The following FAM83B variants were observed in gnomAD, a reference collection of about 807,000 sequenced individuals.
FAM83B encodes scaffolding CK1 anchoring protein B.
FAM83B carries 26 observed loss-of-function variants against 38.8 expected under a neutral mutation model. That is an observed-to-expected ratio of 0.67 (90% CI 0.49 to 0.93). The LOEUF is 0.93. FAM83B is among the 40% of genes least tolerant of loss of function. The pLI is 0.00. For synonymous variants in FAM83B, 419 were observed against 423.1 expected (o/e 0.99, Z 0.12); for missense variants, 1,237 against 1,197.3 (o/e 1.03, Z -0.49).
At chr6:54,935,718 A>T (rs542335160) in intron 4 of FAM83B, among the ~76,000 whole-genome samples, 4 of 152,250 alleles carry the variant, frequency 2.6e-5, no homozygotes, top group Admixed American at 1.3e-4. Flanking sequence ...TTGAAAAATG[A>T]GCAAATGAGA....
intron 2 of FAM83B, among the ~76,000 whole-genome samples, chr6:54,881,627 A>C: frequency 2.0e-5 from 3 of 152,286 alleles, no homozygotes; most frequent in Middle Eastern, 6.8e-3. Context: ...ACTGAAAAAA[A>C]AATAAAATCT....
chr6:54,939,868 C>T lies in FAM83B; in HGVS notation c.897C>T (p.Ala299=). The T allele has an allele frequency of 1.2e-6, 2 of 1,613,946 alleles. No individual in the cohort carries two copies. Among genetic ancestry groups the T allele is most frequent in the Non-Finnish European group, 1.7e-6 (2 of 1,179,950 alleles). Residue 299 remains alanine (A), a synonymous_variant, in exon 5 of 5, where the codon GCC becomes GCT. Coordinates refer to ENST00000306858, the MANE Select transcript of FAM83B (RefSeq NM_001010872.3). ...CAGCAAGGGTGAAGCATGGAAAAGC[C>T]CTCTGGGAAAATGGCACTTACCAGC... is the stretch of plus-strand genomic sequence containing the variant. ...EESARVKHGK[A]LWENGTYQHS... is the part of the protein sequence containing the mutation.
rs527544558 is a variant in FAM83B at position 54,883,453 on chromosome 6, A to G, written c.444+12763A>G. 2.7e-3 allele frequency among the ~76,000 whole-genome samples: 364 copies of G among 136,542 alleles called. 2 individuals are homozygous for G. Among genetic ancestry groups the G allele is most frequent in the African/African-American group, 9.1e-3 (332 of 36,288 alleles). The allele number at this position is 136,542 out of a possible 152,430, so 89.6% of individuals were successfully genotyped here. A position where few individuals can be genotyped will look rare whatever the true frequency, so the allele number is the denominator to read the frequency against. ...AGGTTCAAGTGATTCTCCTGCCTCA[A>G]CCTCCCGAGTAGCTGGGATTACAGG... On this transcript the variant is annotated intron_variant, in intron 2 of 4. Transcript: ENST00000306858.
At chr6:54,936,758 A>G (rs1325608464) in intron 4 of FAM83B, among the ~76,000 whole-genome samples, 1 of 151,586 alleles carries the variant, frequency 6.6e-6, no homozygotes, top group Admixed American at 6.6e-5. Flanking sequence ...CTTTATCAAA[A>G]TATTGCAGAA....
Position 54,941,724 on chromosome 6 carries a change from C to T in FAM83B, c.2753C>T (p.Pro918Leu), listed in dbSNP as rs1454167259. ...AGAAGACCTACTTCTTCTCCAAGGCCAACGTCCAGTGAGCTTCTACGATCT... is the reference window on the plus strand; with the variant it reads ...AGAAGACCTACTTCTTCTCCAAGGCTAACGTCCAGTGAGCTTCTACGATCT... Reference protein sequence around the residue: ...PERRPTSSPRPTSSELLRSHS... With the variant: ...PERRPTSSPRLTSSELLRSHS... Residue 918 changes from proline (P) to leucine (L), a missense_variant, in exon 5 of 5, where the codon CCA (proline) becomes CTA (leucine). Physicochemically the swap from Pro to Leu is moderately conservative, Grantham distance 98. Coordinates refer to ENST00000306858, the MANE Select transcript of FAM83B (RefSeq NM_001010872.3). 2 of 1,614,086 alleles carry T rather than the reference C, an allele frequency of 1.2e-6. No homozygotes were observed. The highest frequency in any genetic ancestry group is 1.7e-6 in the Non-Finnish European group (2 of 1,179,998).
intron 2 of FAM83B, among the ~76,000 whole-genome samples, chr6:54,877,554 C>T (rs918955928): frequency 3.9e-5 from 6 of 152,040 alleles, no homozygotes; most frequent in South Asian, 4.1e-4. Flanking sequence ...AAAAGTTGGG[C>T]GACTTTTATC....
intron 2 of FAM83B, among the ~76,000 whole-genome samples, chr6:54,896,608 G>T (rs1208302977): frequency 6.6e-6 from 1 of 152,138 alleles, no homozygotes; most frequent in East Asian, 1.9e-4. Context: ...GCGTACAAAA[G>T]AATACCATAA....
Position 54,937,995 on chromosome 6 carries a change from T to C in FAM83B, c.735-1711T>C, listed in dbSNP as rs1413043123. Among the ~76,000 whole-genome samples the C allele has an allele frequency of 3.3e-5, 5 of 152,094 alleles. No individual in the cohort carries two copies. The East Asian group carries it at 7.7e-4, about 23-fold the overall frequency. ...CACCCATCACCCAAGCAGTGTACAA[T>C]ATACCCAAGGTGTAGTCTGTTACCC... On this transcript the variant is annotated intron_variant, in intron 4 of 4. Coordinates refer to ENST00000306858, the MANE Select transcript of FAM83B (RefSeq NM_001010872.3).
intron 1 of FAM83B, among the ~76,000 whole-genome samples, chr6:54,865,398 G>A (rs1319057156): frequency 6.6e-6 from 1 of 152,118 alleles, no homozygotes; most frequent in African/African-American, 2.4e-5. Flanking sequence ...TATTGGATTA[G>A]GATCAGCCAT....
chr6:54,895,273 C>T (rs566455693), intron 2 of FAM83B, among the ~76,000 whole-genome samples: 5 of 152,232 alleles, frequency 3.3e-5, no homozygotes, highest in Non-Finnish European at 7.4e-5. Flanking sequence ...TTTGGTTTAC[C>T]TAGAAAAGCC....
At chr6:54,852,223 T>G (rs1424283614) in intron 1 of FAM83B, among the ~76,000 whole-genome samples, 1 of 152,248 alleles carries the variant, frequency 6.6e-6, no homozygotes, top group Non-Finnish European at 1.5e-5. Context: ...CAATTGTGTT[T>G]TTACTAATTG....
At chr6:54,907,180 T>C (rs950264283) in intron 2 of FAM83B, among the ~76,000 whole-genome samples, 2 of 152,326 alleles carry the variant, frequency 1.3e-5, no homozygotes, top group African/African-American at 4.8e-5. Flanking sequence ...TTCCAGCCTC[T>C]TTTGTTGTTT....
chr6:54,896,684 G>A (rs1772544793), intron 2 of FAM83B, among the ~76,000 whole-genome samples: 1 of 152,202 alleles, frequency 6.6e-6, no homozygotes, highest in Non-Finnish European at 1.5e-5. Context: ...AATTGTCAAT[G>A]TCTCAGAGTA....
chr6:54,875,576 A>G (rs566933072), intron 2 of FAM83B, among the ~76,000 whole-genome samples: 1 of 152,260 alleles, frequency 6.6e-6, no homozygotes, highest in South Asian at 2.1e-4. Flanking sequence ...AATGCATTAC[A>G]TGTTAATATA....
intron 2 of FAM83B, 41 bp from the exon 3 acceptor site, chr6:54,926,330 A>G: frequency 7.4e-7 from 1 of 1,358,802 alleles, no homozygotes; most frequent in Non-Finnish European, 1.0e-6. Context: ...ATCTTTCTCT[A>G]TCAAGGATCT....
At chr6:54,914,116 AG>A (rs1772981826) in intron 2 of FAM83B, among the ~76,000 whole-genome samples, 1 of 152,108 alleles carries the variant, frequency 6.6e-6, no homozygotes, top group African/African-American at 2.4e-5. Flanking sequence ...TTAATCTATA[AG>A]TTTCCCTCTC....
At chr6:54,865,943 C>A (rs1387038051) in intron 1 of FAM83B, among the ~76,000 whole-genome samples, 1 of 145,462 alleles carries the variant, frequency 6.9e-6, no homozygotes, top group Non-Finnish European at 1.5e-5. Context: ...TATACTATAG[C>A]AGATTGTGAA....
chr6:54,912,647 G>A (rs1435424830), intron 2 of FAM83B, among the ~76,000 whole-genome samples: 1 of 151,710 alleles, frequency 6.6e-6, no homozygotes, highest in African/African-American at 2.4e-5. Flanking sequence ...ACTTGTGAGA[G>A]GAATATTCAG....
chr6:54,918,799 T>C (rs370232558), intron 2 of FAM83B, among the ~76,000 whole-genome samples: 3 of 152,140 alleles, frequency 2.0e-5, no homozygotes, highest in African/African-American at 7.2e-5. Context: ...GGCATTTTAA[T>C]TGTTTTCTGG....
Sources: gnomAD v4.1 joint callset for allele counts (sites outside exome capture counted in the v4.1 genomes callset) on GRCh38, gnomAD v4.1.1 for gene constraint, MANE v1.5 for transcripts, NCBI Gene and HGNC (gene_info 2026-07-23, HGNC 2026-07-21) for gene names.